Variants in SLC4A4 observed in about 807,000 individuals in gnomAD.
SLC4A4 encodes electrogenic sodium bicarbonate cotransporter 1.
In SLC4A4, 27 loss-of-function variants were observed where a neutral mutation model predicts 111.5. The ratio of observed to expected loss-of-function variants is 0.24; its 90% CI spans 0.18 to 0.33. The LOEUF (loss-of-function observed/expected upper bound fraction) is 0.33. SLC4A4 is among the 10% of genes least tolerant of loss of function. The pLI, the probability that SLC4A4 is intolerant of heterozygous loss-of-function variation, is 1.00. For missense variants in SLC4A4, 909 were observed against 1,315.5 expected (o/e 0.69, Z 4.78); for synonymous variants, 443 against 463.4 (o/e 0.96, Z 0.57).
chr4:71,510,571 G>A (rs187564387), intron 16 of SLC4A4, among the ~76,000 whole-genome samples: 1 of 151,124 alleles, frequency 6.6e-6, no homozygotes, highest in African/African-American at 2.4e-5. Context: ...GTTTTCTTTT[G>A]GTTGCATCCT....
intron 16 of SLC4A4, among the ~76,000 whole-genome samples, chr4:71,515,053 T>C (rs926962854): frequency 6.6e-6 from 1 of 152,052 alleles, no homozygotes; most frequent in African/African-American, 2.4e-5. Flanking sequence ...CATGGTTTTC[T>C]GTTTCCTTGA....
rs764225475 is a variant in SLC4A4, at chr4:71,497,590, T to C, written c.2064T>C (p.Phe688=). The part of the protein sequence containing the change: ...GGNLVGNNCN[F]VPDITLMSFI... ...ACCTCGTCGGGAACAACTGTAATTT[T>C]GTTCCTGATATCACACTCATGTCTT... The change falls in exon 16 of 26, where the codon TTT becomes TTC. Residue 688 remains phenylalanine (F), a synonymous_variant. Coordinates refer to ENST00000264485, the MANE Select transcript of SLC4A4 (RefSeq NM_001098484.3). 1.2e-6 allele frequency: 2 copies of C among 1,613,720 alleles called. No individual in the cohort carries two copies. The highest frequency in any genetic ancestry group is 4.5e-5 in the East Asian group (2 of 44,822).
At chr4:71,331,401 A>G (rs1438684721) in intron 3 of SLC4A4, among the ~76,000 whole-genome samples, 1 of 152,240 alleles carries the variant, frequency 6.6e-6, no homozygotes, top group African/African-American at 2.4e-5. Flanking sequence ...CTATGCAGCC[A>G]TAAAAAATGA....
At chr4:71,463,373 A>G (rs900001599) in intron 12 of SLC4A4, among the ~76,000 whole-genome samples, 1 of 152,164 alleles carries the variant, frequency 6.6e-6, no homozygotes, top group Non-Finnish European at 1.5e-5. Context: ...ATTGCTTTAA[A>G]CTTTACAGTT....
intron 20 of SLC4A4, among the ~76,000 whole-genome samples, chr4:71,554,688 T>C (rs1216135977): frequency 2.0e-5 from 3 of 151,740 alleles, no homozygotes; most frequent in African/African-American, 4.8e-5. Context: ...GATAGACTAT[T>C]TGGCAAAAAT....
At chr4:71,386,216 T>C (rs1293399862) in intron 6 of SLC4A4, among the ~76,000 whole-genome samples, 3 of 152,132 alleles carry the variant, frequency 2.0e-5, no homozygotes. Context: ...TAGAACACTT[T>C]TGGATTTTTA....
intron 6 of SLC4A4, among the ~76,000 whole-genome samples, chr4:71,379,011 T>A (rs1383127016): frequency 6.6e-6 from 1 of 152,196 alleles, no homozygotes; most frequent in Non-Finnish European, 1.5e-5. Context: ...CTTCCTTGAC[T>A]ATTACAACTG....
intron 2 of SLC4A4, among the ~76,000 whole-genome samples, chr4:71,125,578 A>T (rs1355710901): frequency 6.6e-6 from 1 of 152,214 alleles, no homozygotes; most frequent in East Asian, 1.9e-4. Flanking sequence ...AATGCACCTA[A>T]TCAGGTCTGA....
chr4:71,367,509 T>G (rs1731441508), intron 6 of SLC4A4, among the ~76,000 whole-genome samples: 1 of 152,204 alleles, frequency 6.6e-6, no homozygotes, highest in South Asian at 2.1e-4. Flanking sequence ...ATTGGCTCTT[T>G]AAGCAGATCA....
intron 2 of SLC4A4, among the ~76,000 whole-genome samples, chr4:71,156,614 ATACACATT>A (rs1744485329): frequency 6.7e-6 from 1 of 150,276 alleles, no homozygotes; most frequent in African/African-American, 2.5e-5. Flanking sequence ...ACACACACAC[ATACACATT>A]GTGATTCTGT....
chr4:71,377,148 C>A (rs1410475347), intron 6 of SLC4A4, among the ~76,000 whole-genome samples: 1 of 152,018 alleles, frequency 6.6e-6, no homozygotes, highest in Non-Finnish European at 1.5e-5. Flanking sequence ...AGATATGACC[C>A]AAATAAACAG....
At chr4:71,165,608 A>G (rs1744722765) in intron 2 of SLC4A4, among the ~76,000 whole-genome samples, 1 of 152,170 alleles carries the variant, frequency 6.6e-6, no homozygotes, top group South Asian at 2.1e-4. Context: ...AATGTAGATG[A>G]TGGGTTGACA....
At chr4:71,315,496 G>A (rs1726609378) in intron 3 of SLC4A4, among the ~76,000 whole-genome samples, 1 of 152,146 alleles carries the variant, frequency 6.6e-6, no homozygotes, top group African/African-American at 2.4e-5. Flanking sequence ...CCATTGCCAA[G>A]CCATGGTACA....
chr4:71,516,042 C>G (rs888498468), intron 16 of SLC4A4, among the ~76,000 whole-genome samples: 5 of 143,014 alleles, frequency 3.5e-5, no homozygotes, highest in Admixed American at 7.0e-5. Flanking sequence ...TTCTTTCTTC[C>G]TTTCTTTTTC....
chr4:71,340,327 G>A (rs772845835), intron 4 of SLC4A4, among the ~76,000 whole-genome samples: 5 of 152,150 alleles, frequency 3.3e-5, no homozygotes, highest in South Asian at 2.1e-4. Context: ...TCATGGTTTC[G>A]GTTACTCACT....
intron 11 of SLC4A4, among the ~76,000 whole-genome samples, chr4:71,451,549 A>T (rs1457165068): frequency 2.0e-5 from 3 of 152,182 alleles, no homozygotes; most frequent in Non-Finnish European, 4.4e-5. Context: ...TGATGGTTTT[A>T]TGGGGAAAAT....
At chr4:71,469,887 A>G (rs1185286519) in intron 13 of SLC4A4, among the ~76,000 whole-genome samples, 2 of 151,944 alleles carry the variant, frequency 1.3e-5, no homozygotes, top group African/African-American at 4.8e-5. Context: ...TTATACATGT[A>G]TCTTTTCCTT....
intron 1 of SLC4A4, among the ~76,000 whole-genome samples, chr4:71,217,138 T>G (rs1718476317): frequency 6.8e-6 from 1 of 146,162 alleles, no homozygotes; most frequent in Admixed American, 6.7e-5. Context: ...GACATTAAAG[T>G]TTTTTTTTAA....
chr4:71,366,315 T>TTTTGTGTGTGTG (rs1553898892), intron 6 of SLC4A4, among the ~76,000 whole-genome samples: 1 of 137,914 alleles, frequency 7.3e-6, no homozygotes, highest in Non-Finnish European at 1.6e-5. Context: ...TCTGGAGATA[T>TTTTGTGTGTGTG]TGTGTGTGTG....
Sources: allele counts gnomAD v4.1 joint callset (sites outside exome capture counted in the v4.1 genomes callset), GRCh38; gene constraint gnomAD v4.1.1; transcripts MANE v1.5; gene names NCBI Gene and HGNC (gene_info 2026-07-23, HGNC 2026-07-21).